Variants in MYO7B observed in about 807,000 individuals in gnomAD.
The protein encoded by MYO7B is myosin VIIB.
A neutral mutation model predicts 259.7 loss-of-function variants in MYO7B; 212 were observed. That is an observed-to-expected ratio of 0.82 (90% CI 0.73 to 0.91). The LOEUF (loss-of-function observed/expected upper bound fraction) is 0.91, where lower values mean the gene tolerates loss of function less well. Among genes scored for constraint, MYO7B ranks in the 40% least tolerant of loss-of-function variants. MYO7B has a pLI of 0.00. For missense variants in MYO7B, 2,732 were observed against 2,813.5 expected, an observed-to-expected ratio of 0.97 and a Z score of 0.66; for synonymous variants, 1,197 against 1,166.4, an observed-to-expected ratio of 1.03 and a Z score of -0.54.
At position 127,628,602 on chromosome 2, in the gene MYO7B, G is replaced by A. The variant is rs538113544; in HGVS notation, c.4624+67G>A. On this transcript the variant is annotated intron_variant, in intron 34 of 47. Coordinates refer to ENST00000409816, the MANE Select transcript of MYO7B (RefSeq NM_001393586.1). The surrounding 1 kb of genome is among the most constrained non-coding windows in gnomAD (Gnocchi z 4.8). ...GGGAGGGCCGCGCATGGGGTCTGTAGGTAGGTGGCATGCTCATCTCCACAC... is the reference window on the plus strand; with the variant it reads ...GGGAGGGCCGCGCATGGGGTCTGTAAGTAGGTGGCATGCTCATCTCCACAC... 3.1e-4 allele frequency: 443 copies of A among 1,408,654 alleles called. 12 individuals carry two copies. In the South Asian group the frequency reaches 5.3e-3, roughly 17 times the overall value. The allele number at this position is 1,408,654 out of a possible 1,614,324, so 87.3% of individuals were successfully genotyped here.
chr2:127,583,955 G>C (rs866580339), intron 12 of MYO7B, among the ~76,000 whole-genome samples, 167 bp from the exon 13 acceptor site: 9 of 128,506 alleles, frequency 7.0e-5, no homozygotes, highest in South Asian at 4.3e-4. Flanking sequence ...AGAGGAGAGA[G>C]AGTGTGCAGG....
At chr2:127,555,919 T>G (rs1470378321) in intron 1 of MYO7B, among the ~76,000 whole-genome samples, 1 of 152,224 alleles carries the variant, frequency 6.6e-6, no homozygotes, top group African/African-American at 2.4e-5. Flanking sequence ...GTCCATTCAT[T>G]CCAGGGTATA....
At chr2:127,554,042 T>A (rs1693549139) in intron 1 of MYO7B, among the ~76,000 whole-genome samples, 1 of 152,210 alleles carries the variant, frequency 6.6e-6, no homozygotes, top group Admixed American at 6.5e-5. Context: ...TTAATTCTAT[T>A]TATGTGGTGT....
At position 127,637,383 on chromosome 2, in the gene MYO7B, G is replaced by C. The variant is rs201042288; in HGVS notation, c.6395G>C (p.Arg2132Pro). 1.5e-4 allele frequency: 234 copies of C among 1,571,940 alleles called. No individual in the cohort carries two copies. In the African/African-American group the frequency reaches 3.0e-3, roughly 20 times the overall value. Residue 2132 changes from arginine to proline, a missense_variant, in exon 48 of 48, where the codon CGG becomes CCG. Around this residue, in one of 3 missense-constraint regions of MYO7B, gnomAD observed 821 missense variants for 769.3 expected, o/e 1.07. Coordinates refer to ENST00000409816, the MANE Select transcript of MYO7B (RefSeq NM_001393586.1). ...QQLLSAMNKQ[R>P]GSKAPALAST Reference sequence around the variant, plus strand: ...CTCCTGAGTGCCATGAACAAGCAGCGGGGCTCCAAGGCCCCAGCCCTGGCC... The same window carrying C: ...CTCCTGAGTGCCATGAACAAGCAGCCGGGCTCCAAGGCCCCAGCCCTGGCC...
Position 127,623,449 on chromosome 2 carries a change from T to C in MYO7B, c.3819+74T>C. ...GGAGAGCACCCTGAGGCTCAAGCCC[T>C]CTCACCTTTCCAGCCCGGCCACCAC... is the stretch of plus-strand genomic sequence containing the variant. On this transcript the variant is annotated intron_variant, in intron 29 of 47. Transcript: ENST00000409816. 2.1e-6 allele frequency: 3 copies of C among 1,424,120 alleles called. No individual in the cohort carries two copies. The African/African-American group carries it at 4.3e-5, about 21-fold the overall frequency. The allele number at this position is 1,424,120 out of a possible 1,614,324, so 88.2% of individuals were successfully genotyped here. A position where few individuals can be genotyped will look rare whatever the true frequency, so the allele number is the denominator to read the frequency against.
rs187045307 is a variant in MYO7B at position 127,633,303 on chromosome 2, C to T, written c.5451C>T (p.Ala1817=). 5.5e-4 allele frequency: 886 copies of T among 1,612,706 alleles called. 6 individuals are homozygous for T. In the African/African-American group the frequency reaches 8.8e-3, roughly 16 times the overall value. ...KQPPHQVEVE[A]AEQNVSRICH... ...CCCCGCACCAGGTGGAGGTGGAGGCCGCAGAGCAGAACGTCTCCCGCATCT... is the reference window on the plus strand; with the variant it reads ...CCCCGCACCAGGTGGAGGTGGAGGCTGCAGAGCAGAACGTCTCCCGCATCT... Residue 1817 remains alanine, a synonymous_variant, in exon 40 of 48, where the codon GCC becomes GCT. Coordinates refer to ENST00000409816, the MANE Select transcript of MYO7B (RefSeq NM_001393586.1).
At chr2:127,560,458 C>T (rs1678035493) in intron 2 of MYO7B, among the ~76,000 whole-genome samples, 1 of 152,142 alleles carries the variant, frequency 6.6e-6, no homozygotes, top group Admixed American at 6.5e-5. Flanking sequence ...CATCGTGTTC[C>T]CTTCACTCAA....
At chr2:127,566,230 C>T (rs72960552) in intron 4 of MYO7B, among the ~76,000 whole-genome samples, 104 of 152,268 alleles carry the variant, frequency 6.8e-4, no homozygotes, top group African/African-American at 2.4e-3. Flanking sequence ...TGATCCAGGG[C>T]GGAGGTCCCA....
In MYO7B at chr2:127,607,668, C is replaced by T. The variant is rs1266576734; in HGVS notation, c.2643+244C>T. On this transcript the variant is annotated intron_variant, in intron 21 of 47. Transcript: ENST00000409816. This position sits in a 1 kb window ranked among gnomAD's most constrained non-coding sequence, Gnocchi z 4.4. ...GATGTAGCTATCACGAGAGACACAC[C>T]GTCCTCCTCTCCCTATTCAAAGTCA... Among the ~76,000 whole-genome samples the T allele has an allele frequency of 2.0e-5, 3 of 152,196 alleles. No homozygotes were observed. The highest frequency in any genetic ancestry group is 2.9e-5 in the Non-Finnish European group (2 of 68,034).
chr2:127,572,277 A>G (rs937931529), intron 6 of MYO7B, among the ~76,000 whole-genome samples: 6 of 152,220 alleles, frequency 3.9e-5, no homozygotes, highest in African/African-American at 1.4e-4. Context: ...AACTTAGTTG[A>G]GCATGGTGGC....
Position 127,577,424 on chromosome 2 carries a change from G to C in MYO7B, c.850-709G>C, listed in dbSNP as rs142908176. Among the ~76,000 whole-genome samples the C allele has an allele frequency of 6.6e-6, 1 of 152,286 alleles. No individual in the cohort carries two copies. Among genetic ancestry groups the C allele is most frequent in the Non-Finnish European group, 1.5e-5 (1 of 68,014 alleles). ...GTTTGCACTGTAGTGTCATGCTTTGGATGGCACTGCTGCAGTGACCCCTGC... is the reference window on the plus strand; with the variant it reads ...GTTTGCACTGTAGTGTCATGCTTTGCATGGCACTGCTGCAGTGACCCCTGC... On this transcript the variant is annotated intron_variant, in intron 8 of 47. Transcript: ENST00000409816. This position sits in a 1 kb window ranked among gnomAD's most constrained non-coding sequence, Gnocchi z 5.2.
rs975440925 is a variant in MYO7B, at chr2:127,535,953, G to C, written c.-24+122G>C. ...ATGGAACAGGTCTGAGGGATAGAGA[G>C]TGGAGAAGCCCTTCAGGAGCCTGGA... On this transcript the variant is annotated intron_variant, in intron 1 of 47. Transcript: ENST00000409816. The surrounding 1 kb of genome is among the most constrained non-coding windows in gnomAD (Gnocchi z 4.8). The C allele has an allele frequency of 1.3e-5, 2 of 152,602 alleles. No homozygotes were observed. Among genetic ancestry groups the C allele is most frequent in the African/African-American group, 4.8e-5 (2 of 41,428 alleles). The allele number at this position is 152,602 out of a possible 1,614,324, so 9.5% of individuals were successfully genotyped here. A position where few individuals can be genotyped will look rare whatever the true frequency, so the allele number is the denominator to read the frequency against.
intron 1 of MYO7B, among the ~76,000 whole-genome samples, chr2:127,536,553 G>T (rs751512760): frequency 6.6e-6 from 1 of 152,062 alleles, no homozygotes; most frequent in Non-Finnish European, 1.5e-5. Context: ...TGTCCAGGTG[G>T]TGTGTGTCCC....
At position 127,628,575 on chromosome 2, in the gene MYO7B, G is replaced by A. The variant is rs1004953426; in HGVS notation, c.4624+40G>A. 8.5e-7 allele frequency: 1 copy of A among 1,173,600 alleles called. No homozygotes were observed. The highest frequency in any genetic ancestry group is 1.2e-6 in the Non-Finnish European group (1 of 848,648). 72.7% of individuals were successfully genotyped at this position (1,173,600 alleles called of 1,614,324 possible). On this transcript the variant is annotated intron_variant, in intron 34 of 47. Coordinates refer to ENST00000409816, the MANE Select transcript of MYO7B (RefSeq NM_001393586.1). This position sits in a 1 kb window ranked among gnomAD's most constrained non-coding sequence, Gnocchi z 4.8. ...GGGGTGGGGTGGGGTGGGGTGGGGTGGGGGAGGGCCGCGCATGGGGTCTGT... is the reference window on the plus strand; with the variant it reads ...GGGGTGGGGTGGGGTGGGGTGGGGTAGGGGAGGGCCGCGCATGGGGTCTGT...
intron 1 of MYO7B, among the ~76,000 whole-genome samples, chr2:127,551,171 C>A (rs576068192): frequency 1.3e-5 from 2 of 152,334 alleles, no homozygotes; most frequent in East Asian, 3.9e-4. Context: ...GGGTTGGGTT[C>A]TACCAGGCAT....
intron 14 of MYO7B, 141 bp from the exon 15 acceptor site, chr2:127,588,251 T>C (rs1573658451): frequency 3.3e-6 from 3 of 908,720 alleles, no homozygotes; most frequent in East Asian, 5.3e-5. Context: ...GGTAGAGGGG[T>C]GGAGAGCATG....
intron 1 of MYO7B, among the ~76,000 whole-genome samples, chr2:127,549,778 T>C (rs1266537710): frequency 6.6e-6 from 1 of 152,130 alleles, no homozygotes; most frequent in Non-Finnish European, 1.5e-5. Flanking sequence ...TCAGCAGGGC[T>C]ATGATCCTGG....
In MYO7B at chr2:127,635,858, T is replaced by C; in HGVS notation, c.5957T>C (p.Leu1986Pro). ...LASVPKILRE[L>P]VPENLTRLMS... Reference sequence around the variant, plus strand: ...AGTGTCCCCAAGATCCTGAGGGAACTGGTGCCTGAGAACCTCACACGCCTG... The same window carrying C: ...AGTGTCCCCAAGATCCTGAGGGAACCGGTGCCTGAGAACCTCACACGCCTG... Residue 1986 changes from leucine (L) to proline (P), a missense_variant, in exon 44 of 48, where the codon CTG becomes CCG. Physicochemically the swap from Leu to Pro is moderately conservative, Grantham distance 98. This residue lies in a region of MYO7B where 821 missense variants were observed against 769.3 expected (regional missense o/e 1.07). Transcript: ENST00000409816. The C allele has an allele frequency of 6.3e-7, 1 of 1,583,834 alleles. No individual in the cohort carries two copies. The highest frequency in any genetic ancestry group is 8.6e-7 in the Non-Finnish European group (1 of 1,165,434).
intron 1 of MYO7B, among the ~76,000 whole-genome samples, chr2:127,544,250 C>T (rs970215410): frequency 3.9e-5 from 6 of 151,926 alleles, no homozygotes; most frequent in Non-Finnish European, 8.8e-5. Flanking sequence ...CTAATATCTC[C>T]TATATTTTTA....
Sources: gnomAD v4.1 joint callset for allele counts (sites outside exome capture counted in the v4.1 genomes callset) on GRCh38, gnomAD v4.1.1 for gene constraint, gnomAD v4.1.1 regional missense constraint, Gnocchi (gnomAD v3.1) non-coding constraint, MANE v1.5 for transcripts, NCBI Gene and HGNC (gene_info 2026-07-23, HGNC 2026-07-21) for gene names.